The following INSRR variants were observed in gnomAD, a reference collection of about 807,000 sequenced individuals.
INSRR encodes insulin receptor related receptor, also known as insulin receptor-related protein.
INSRR carries 114 observed loss-of-function variants against 130.0 expected under a neutral mutation model. The ratio of observed to expected loss-of-function variants is 0.88; its 90% CI spans 0.75 to 1.02. INSRR has a LOEUF of 1.02. Ranked by LOEUF, INSRR falls within the 50% of genes least tolerant of loss-of-function variation. The probability of loss-of-function intolerance (pLI) is 0.00; values close to 1 mark genes in which losing one functional copy is unlikely to be tolerated. For missense variants in INSRR, 1,657 were observed against 1,735.2 expected (o/e 0.95, Z 0.80); for synonymous variants, 674 against 705.2 (o/e 0.96, Z 0.70).
intron 5 of INSRR, 144 bp from the exon 6 acceptor site, chr1:156,849,604 G>A (rs1040665000): frequency 3.1e-6 from 2 of 638,956 alleles, no homozygotes; most frequent in Non-Finnish European, 5.6e-6. Flanking sequence ...AGCACACCGG[G>A]GGCATTCGTG....
In INSRR at chr1:156,845,179, G is replaced by GCGCAGGCCGCTCAGCAC; in HGVS notation, c.2317_2333dup (p.His779CysfsTer2). On this transcript the variant is annotated stop_gained and frameshift_variant, in exon 12 of 22. Transcript: ENST00000368195. LOFTEE classifies it high-confidence loss of function. ...TGTCGATCCGGTATTCCGTGAAGTG[G>GCGCAGGCCGCTCAGCAC]CGCAGGCCGCTCAGCACCGCTCGCT... The GCGCAGGCCGCTCAGCAC allele has an allele frequency of 3.1e-6, 5 of 1,610,602 alleles. No individual in the cohort carries two copies. Among genetic ancestry groups the GCGCAGGCCGCTCAGCAC allele is most frequent in the Non-Finnish European group, 4.2e-6 (5 of 1,178,770 alleles).
In INSRR at chr1:156,842,457, C is replaced by T; in HGVS notation, c.3178G>A (p.Glu1060Lys). ...SQGQPTLVIM[E>K]LMTRGDLKSH... ...TTGAGGTCCCCACGGGTCATTAACT[C>T]CATGATGACCAGAGTTGGCTGGCCC... Residue 1060 changes from glutamate to lysine, a missense_variant, in exon 18 of 22, where the codon GAG (glutamate) becomes AAG (lysine). Transcript: ENST00000368195. The T allele has an allele frequency of 6.2e-7, 1 of 1,614,116 alleles. No individual in the cohort carries two copies. Among genetic ancestry groups the T allele is most frequent in the Non-Finnish European group, 8.5e-7 (1 of 1,179,992 alleles).
intron 5 of INSRR, 53 bp from the exon 6 acceptor site, chr1:156,849,513 G>GCGGGGGGGGGC: frequency 4.1e-6 from 2 of 486,120 alleles, no homozygotes; most frequent in Non-Finnish European, 8.3e-6. Context: ...CAGGGGGTGG[G>GCGGGGGGGGGC]AAAGGGGATG....
chr1:156,844,500 G>A lies in INSRR; in HGVS notation c.2699C>T (p.Ser900Phe). 6.2e-7 allele frequency: 1 copy of A among 1,614,148 alleles called. No homozygotes were observed. Among genetic ancestry groups the A allele is most frequent in the Non-Finnish European group, 8.5e-7 (1 of 1,180,022 alleles). Residue 900 changes from serine (S) to phenylalanine (F), a missense_variant, in exon 14 of 22, where the codon TCT becomes TTT. By Grantham distance (155) the Ser-to-Phe change is radical. Transcript: ENST00000368195. Reference sequence around the variant, plus strand: ...GTAGAAGGCAACACTGTCTGTCCAAGAGCCATTGCCAGCCAGTGAGGTTGC... The same window carrying A: ...GTAGAAGGCAACACTGTCTGTCCAAAAGCCATTGCCAGCCAGTGAGGTTGC... ...VRATSLAGNG[S>F]WTDSVAFYIL...
intron 1 of INSRR, among the ~76,000 whole-genome samples, chr1:156,855,918 C>CGTGTGT (rs57540966): frequency 2.7e-5 from 4 of 149,374 alleles, no homozygotes; most frequent in African/African-American, 7.4e-5. Flanking sequence ...GACTAATGTG[C>CGTGTGT]GTGTGTGTGT....
intron 6 of INSRR, 29 bp from the exon 7 acceptor site, chr1:156,849,076 C>G: frequency 6.2e-7 from 1 of 1,603,690 alleles, no homozygotes; most frequent in Non-Finnish European, 8.5e-7. Context: ...CTGCTCGCAA[C>G]CGCGCCTGCC....
rs1655499710 is a variant in INSRR, at chr1:156,858,684, G to T, written c.-63C>A. 7.1e-7 allele frequency: 1 copy of T among 1,406,394 alleles called. No individual in the cohort carries two copies. Among genetic ancestry groups the T allele is most frequent in the African/African-American group, 1.4e-5 (1 of 70,810 alleles). 87.1% of individuals were successfully genotyped at this position (1,406,394 alleles called of 1,614,324 possible). A position where few individuals can be genotyped will look rare whatever the true frequency, so the allele number is the denominator to read the frequency against. ...TCCCGGTGACTCTGGGGAGAACGGT[G>T]TGATAAGCCCTAAGGGACACAGAGA... is the stretch of plus-strand genomic sequence containing the variant. On this transcript the variant is annotated 5_prime_UTR_variant, in exon 1 of 22. Coordinates refer to ENST00000368195, the MANE Select transcript of INSRR (RefSeq NM_014215.3).
chr1:156,854,346 CA>C lies in INSRR; in HGVS notation c.86-44del, dbSNP rs1467388360. Reference sequence around the variant, plus strand: ...ACGCAGCATTGAGTACAGCCCAGGCCAAATTCCCCATCCAGCCCTGGCAGCT... The same window carrying C: ...ACGCAGCATTGAGTACAGCCCAGGCCAATTCCCCATCCAGCCCTGGCAGCT... On this transcript the variant is annotated intron_variant, in intron 1 of 21. Coordinates refer to ENST00000368195, the MANE Select transcript of INSRR (RefSeq NM_014215.3). This position sits in a 1 kb window ranked among gnomAD's most constrained non-coding sequence, Gnocchi z 4.2. 2 of 1,538,358 alleles carry C rather than the reference CA, an allele frequency of 1.3e-6. No homozygotes were observed. Among genetic ancestry groups the C allele is most frequent in the Non-Finnish European group, 1.8e-6 (2 of 1,140,434 alleles).
Position 156,845,701 on chromosome 1 carries a change from C to A in INSRR, c.2092G>T (p.Val698Phe). The A allele has an allele frequency of 6.2e-7, 1 of 1,613,480 alleles. No individual in the cohort carries two copies. Among genetic ancestry groups the A allele is most frequent in the South Asian group, 1.1e-5 (1 of 91,038 alleles). The stretch of plus-strand genomic sequence containing the variant: ...TCTTGCGCCTCCAGCGGGGGCAGAA[C>A]CTGACCAGGAGGTGGGTGCTGGCAA... ...CPCQHPPPGQVLPPLEAQEAS... is the reference protein window; with the variant it reads ...CPCQHPPPGQFLPPLEAQEAS... The change falls in exon 10 of 22, where the codon GTT becomes TTT. Residue 698 changes from valine to phenylalanine, a missense_variant. Physicochemically the swap from Val to Phe is conservative, Grantham distance 50. Coordinates refer to ENST00000368195, the MANE Select transcript of INSRR (RefSeq NM_014215.3).
At chr1:156,853,564 G>T (rs1655304060) in intron 2 of INSRR, among the ~76,000 whole-genome samples, 188 bp downstream of exon 2, 1 of 152,108 alleles carries the variant, frequency 6.6e-6, no homozygotes, top group African/African-American at 2.4e-5. Flanking sequence ...CTACCCCTTA[G>T]CTGTCTTATG....
chr1:156,845,566 C>T (rs1654966612), intron 10 of INSRR, 53 bp downstream of exon 10: 1 of 1,492,792 alleles, frequency 6.7e-7, no homozygotes, highest in Non-Finnish European at 9.0e-7. Context: ...CAAGACCCGC[C>T]CCTCACAGGC....
At chr1:156,843,569 G>A in intron 15 of INSRR, 90 bp from the exon 16 acceptor site, 1 of 1,365,482 alleles carries the variant, frequency 7.3e-7, no homozygotes, top group Non-Finnish European at 1.0e-6. Context: ...TTTCAAGGAG[G>A]AGGGAAGTTA....
rs1384323231 is a variant in INSRR, at chr1:156,850,580, C to G, written c.1229+710G>C. On this transcript the variant is annotated intron_variant, in intron 5 of 21. Transcript: ENST00000368195. The stretch of plus-strand genomic sequence containing the variant: ...TTTTTTTTTTTGAGATGGAGTCCCT[C>G]TCTGTAACTCAGGCCCTAGGCTGGA... Among the ~76,000 whole-genome samples, 3 of 111,730 alleles carry G rather than the reference C, an allele frequency of 2.7e-5. No homozygotes were observed. In the Admixed American group the frequency reaches 3.8e-4, roughly 14 times the overall value. 73.3% of individuals were successfully genotyped at this position (111,730 alleles called of 152,430 possible). A position where few individuals can be genotyped will look rare whatever the true frequency, so the allele number is the denominator to read the frequency against.
In INSRR at chr1:156,858,869, G is replaced by A. The variant is rs1260488861; in HGVS notation, c.-248C>T. 1 of 548,226 alleles carries A rather than the reference G, an allele frequency of 1.8e-6. No homozygotes were observed. Among genetic ancestry groups the A allele is most frequent in the South Asian group, 2.2e-5 (1 of 45,334 alleles). The allele number at this position is 548,226 out of a possible 1,614,324, so 34.0% of individuals were successfully genotyped here. A position where few individuals can be genotyped will look rare whatever the true frequency, so the allele number is the denominator to read the frequency against. On this transcript the variant is annotated 5_prime_UTR_variant, in exon 1 of 22. Coordinates refer to ENST00000368195, the MANE Select transcript of INSRR (RefSeq NM_014215.3). ...ACTCAGCATGAGATTGAGAGATGGG[G>A]ACAGAGATGCAGACAGTGACAGGGA...
At position 156,846,577 on chromosome 1, in the gene INSRR, C is replaced by A; in HGVS notation, c.1752G>T (p.Glu584Asp). 1 of 1,614,234 alleles carries A rather than the reference C, an allele frequency of 6.2e-7. No individual in the cohort carries two copies. The highest frequency in any genetic ancestry group is 8.5e-7 in the Non-Finnish European group (1 of 1,180,042). Residue 584 changes from glutamate to aspartate, a missense_variant, in exon 8 of 22, where the codon GAG (glutamate) becomes GAT (aspartate). By Grantham distance (45) the Glu-to-Asp change is conservative. Coordinates refer to ENST00000368195, the MANE Select transcript of INSRR (RefSeq NM_014215.3). ...TCTGGGCTCCTTGATGAGGGCTGTCCTCCTCAGTGGTTAGCGTGATGGCCC... is the reference window on the plus strand; with the variant it reads ...TCTGGGCTCCTTGATGAGGGCTGTCATCCTCAGTGGTTAGCGTGATGGCCC... Reference protein sequence around the residue: ...FVRAITLTTEEDSPHQGAQSP... With the variant: ...FVRAITLTTEDDSPHQGAQSP...
At position 156,846,530 on chromosome 1, in the gene INSRR, G is replaced by T. The variant is rs750122799; in HGVS notation, c.1799C>A (p.Thr600Lys). The T allele has an allele frequency of 2.5e-6, 4 of 1,613,574 alleles. No individual in the cohort carries two copies. The East Asian group carries it at 8.9e-5, about 36-fold the overall frequency. ...CTCCAAATGCCTACCTGCAGGCAGC[G>T]TTCGGAGGTAGACGATGGGACTCTG... ...GAQSPIVYLRTLPAAPTVPQD... is the reference protein window; with the variant it reads ...GAQSPIVYLRKLPAAPTVPQD... The change falls in exon 8 of 22, where the codon ACG becomes AAG. Residue 600 changes from threonine (T) to lysine (K), a missense_variant. By Grantham distance (78) the Thr-to-Lys change is moderately conservative (BLOSUM62 -1). Transcript: ENST00000368195.
intron 5 of INSRR, chr1:156,851,069 CAACTTGAGT>C (rs2102866041): frequency 1.6e-6 from 1 of 616,666 alleles, no homozygotes; most frequent in South Asian, 1.8e-5. Context: ...TTACACATAA[CAACTTGAGT>C]AATATTCAAA....
rs761177441 is a variant in INSRR at position 156,846,513 on chromosome 1, G to T, written c.1810+6C>A. ...TGACTGACTCTTGCACCCTCCAAAT[G>T]CCTACCTGCAGGCAGCGTTCGGAGG... On this transcript the variant is annotated splice_donor_region_variant and intron_variant, in intron 8 of 21. Coordinates refer to ENST00000368195, the MANE Select transcript of INSRR (RefSeq NM_014215.3). The T allele has an allele frequency of 9.3e-6, 15 of 1,609,564 alleles. No individual in the cohort carries two copies. In the East Asian group the frequency reaches 2.9e-4, roughly 31 times the overall value.
rs1266732719 is a variant in INSRR at position 156,840,734 on chromosome 1, C to T, written c.*139G>A. 4.4e-6 allele frequency: 3 copies of T among 688,412 alleles called. No homozygotes were observed. Among genetic ancestry groups the T allele is most frequent in the Admixed American group, 2.4e-5 (1 of 41,608 alleles). The allele number at this position is 688,412 out of a possible 1,614,324, so 42.6% of individuals were successfully genotyped here. A position where few individuals can be genotyped will look rare whatever the true frequency, so the allele number is the denominator to read the frequency against. Reference sequence around the variant, plus strand: ...CCTCTGCCCACCCCCACAGCCTTCCCTGCTCCTGTTCTCTGCCCCACCCTC... The same window carrying T: ...CCTCTGCCCACCCCCACAGCCTTCCTTGCTCCTGTTCTCTGCCCCACCCTC... On this transcript the variant is annotated 3_prime_UTR_variant, in exon 22 of 22. Transcript: ENST00000368195.
Sources: allele counts gnomAD v4.1 joint callset (sites outside exome capture counted in the v4.1 genomes callset), GRCh38; gene constraint gnomAD v4.1.1; non-coding constraint Gnocchi (gnomAD v3.1); transcripts MANE v1.5; gene names NCBI Gene and HGNC (gene_info 2026-07-23, HGNC 2026-07-21).